The following DOCK9 variants were observed in gnomAD, a reference collection of about 807,000 sequenced individuals.
DOCK9 encodes the protein dedicator of cytokinesis 9.
Under a neutral mutation model 263.3 loss-of-function variants are expected in DOCK9, and 89 were observed. That is an observed-to-expected ratio of 0.34 (90% CI 0.28 to 0.40). The LOEUF (loss-of-function observed/expected upper bound fraction) is 0.40. DOCK9 is among the 10% of genes least tolerant of loss of function. The probability of loss-of-function intolerance (pLI) is 1.00; values close to 1 mark genes in which losing one functional copy is unlikely to be tolerated. For missense variants in DOCK9, 2,140 were observed against 2,603.4 expected (o/e 0.82, Z 3.87); for synonymous variants, 976 against 973.1 (o/e 1.00, Z -0.06).
chr13:98,995,171 G>A (rs936512668), intron 1 of DOCK9, among the ~76,000 whole-genome samples: 4 of 152,164 alleles, frequency 2.6e-5, no homozygotes, highest in African/African-American at 7.2e-5. Flanking sequence ...CACCGTTCCC[G>A]AGGAAATCTT....
chr13:98,928,768 A>G (rs78062623), intron 3 of DOCK9, among the ~76,000 whole-genome samples: 4,348 of 152,294 alleles, frequency 0.029, 202 homozygotes, highest in African/African-American at 0.098. Context: ...AATTGGCTAC[A>G]GGCTGGATTT....
At chr13:99,015,456 G>C (rs761144819) in intron 1 of DOCK9, 1 of 1,593,966 alleles carries the variant, frequency 6.3e-7, no homozygotes, top group Admixed American at 1.7e-5. Flanking sequence ...CCAGCCAGGA[G>C]GAGATCAATA....
chr13:98,942,220 GTTTTTTTTTTTGTTGT>G (rs1413950499), intron 2 of DOCK9, among the ~76,000 whole-genome samples: 1 of 132,430 alleles, frequency 7.6e-6, no homozygotes, highest in Non-Finnish European at 1.6e-5. Context: ...CTCTGGTTAT[GTTTTTTTTTTTGTTGT>G]TTTTTTTTTT....
At chr13:98,998,619 C>T (rs1413884987) in intron 1 of DOCK9, among the ~76,000 whole-genome samples, 1 of 152,134 alleles carries the variant, frequency 6.6e-6, no homozygotes, top group Non-Finnish European at 1.5e-5. Flanking sequence ...ACCCTACCCA[C>T]CTGGCCTCTT....
At chr13:98,920,243 C>G (rs1001515053) in intron 7 of DOCK9, among the ~76,000 whole-genome samples, 9 of 152,146 alleles carry the variant, frequency 5.9e-5, no homozygotes, top group Non-Finnish European at 1.2e-4. Context: ...CATGTGTTAT[C>G]TTTAATTAAC....
At chr13:99,049,981 C>T (rs2040610785) in intron 1 of DOCK9, among the ~76,000 whole-genome samples, 1 of 152,116 alleles carries the variant, frequency 6.6e-6, no homozygotes, top group Admixed American at 6.5e-5. Flanking sequence ...ATACAAGAAG[C>T]AATTATGCTA....
At chr13:98,821,047 A>G (rs987551707) in intron 45 of DOCK9, among the ~76,000 whole-genome samples, 7 of 152,344 alleles carry the variant, frequency 4.6e-5, no homozygotes, top group African/African-American at 1.7e-4. Flanking sequence ...AAAAGTACCA[A>G]GGAGTATTGA....
chr13:98,968,373 C>A (rs1201651907), intron 1 of DOCK9, among the ~76,000 whole-genome samples: 1 of 152,108 alleles, frequency 6.6e-6, no homozygotes. Flanking sequence ...GTAATCCCAG[C>A]ACTTTGGGAA....
intron 15 of DOCK9, among the ~76,000 whole-genome samples, chr13:98,894,957 C>CAAAAA (rs71114557): frequency 1.5e-4 from 11 of 73,388 alleles, no homozygotes; most frequent in East Asian, 5.2e-4. Flanking sequence ...TACTAAAATA[C>CAAAAA]AAAAAAAAAA....
chr13:99,075,761 T>C (rs2041885950), intron 1 of DOCK9, among the ~76,000 whole-genome samples: 1 of 152,138 alleles, frequency 6.6e-6, no homozygotes, highest in Non-Finnish European at 1.5e-5. Flanking sequence ...ACATCTACTT[T>C]GTTAAGACAC....
chr13:98,991,021 C>T (rs1401786640), intron 1 of DOCK9, among the ~76,000 whole-genome samples: 2 of 152,152 alleles, frequency 1.3e-5, no homozygotes, highest in Non-Finnish European at 2.9e-5. Context: ...AACACACAAT[C>T]TAGTTCAAGA....
intron 1 of DOCK9, among the ~76,000 whole-genome samples, chr13:98,963,971 T>C (rs1308701582): frequency 2.0e-5 from 3 of 152,232 alleles, no homozygotes. Flanking sequence ...CATTTTCCTA[T>C]AAGTAGGGTG....
chr13:98,947,902 G>A (rs2056934359), intron 2 of DOCK9, among the ~76,000 whole-genome samples: 1 of 152,076 alleles, frequency 6.6e-6, no homozygotes, highest in African/African-American at 2.4e-5. Flanking sequence ...TTACACTGTT[G>A]GCCACTGAAT....
At chr13:99,083,654 AAATT>A (rs1440952697) in intron 1 of DOCK9, among the ~76,000 whole-genome samples, 4 of 152,358 alleles carry the variant, frequency 2.6e-5, no homozygotes, top group Admixed American at 6.5e-5. Context: ...CTTTTCAAAC[AAATT>A]AATACAAAAT....
At chr13:98,807,130 C>T (rs1476384883) in intron 48 of DOCK9, among the ~76,000 whole-genome samples, 1 of 152,152 alleles carries the variant, frequency 6.6e-6, no homozygotes, top group Admixed American at 6.5e-5. Flanking sequence ...AGGTACAGGA[C>T]AAAGGTGCAG....
chr13:99,000,798 ATT>A (rs1470274608), intron 1 of DOCK9, among the ~76,000 whole-genome samples: 1 of 152,134 alleles, frequency 6.6e-6, no homozygotes, highest in Non-Finnish European at 1.5e-5. Context: ...TCTATTAGCT[ATT>A]TTTACCATAG....
chr13:98,865,542 T>A (rs2093996348), intron 30 of DOCK9, among the ~76,000 whole-genome samples: 1 of 151,994 alleles, frequency 6.6e-6, no homozygotes. Context: ...CTCCCATATA[T>A]CCCCCCATCG....
intron 1 of DOCK9, among the ~76,000 whole-genome samples, chr13:98,964,710 G>C (rs1403330573): frequency 6.6e-6 from 1 of 152,260 alleles, no homozygotes; most frequent in East Asian, 1.9e-4. Context: ...CTGCATAAAG[G>C]GGGCTTGGGG....
At chr13:98,867,354 C>G (rs1374027905) in intron 30 of DOCK9, 71 bp downstream of exon 30, 1 of 876,296 alleles carries the variant, frequency 1.1e-6, no homozygotes, top group South Asian at 1.6e-5. Context: ...ATGTTTGAAT[C>G]AATTATCTTT....
Sources: gnomAD v4.1 joint callset for allele counts (sites outside exome capture counted in the v4.1 genomes callset) on GRCh38, gnomAD v4.1.1 for gene constraint, MANE v1.5 for transcripts, NCBI Gene and HGNC (gene_info 2026-07-23, HGNC 2026-07-21) for gene names.